Variants in NHLRC3 observed in about 807,000 individuals in gnomAD.
NHLRC3 encodes the protein NHL repeat-containing protein 3.
Under a neutral mutation model 32.0 loss-of-function variants are expected in NHLRC3, and 23 were observed. The observed-to-expected ratio is 0.72, with a 90% CI of 0.52 to 1.02. The LOEUF (loss-of-function observed/expected upper bound fraction) is 1.02. Among genes scored for constraint, NHLRC3 ranks in the 50% least tolerant of loss-of-function variants. NHLRC3 has a pLI of 0.00. For synonymous variants in NHLRC3, 159 were observed against 147.9 expected, an observed-to-expected ratio of 1.08 and a Z score of -0.55; for missense variants, 407 against 406.8, an observed-to-expected ratio of 1.00 and a Z score of -0.01.
chr13:39,048,077 T>C lies in NHLRC3; in HGVS notation c.*151T>C. ...TTTTTGTATCATTAAGAATCTTATA[T>C]TTTGTTGCCCTCTTGGGACTTAGTT... On this transcript the variant is annotated 3_prime_UTR_variant, in exon 7 of 7. Transcript: ENST00000379600. 1 of 665,070 alleles carries C rather than the reference T, an allele frequency of 1.5e-6. No homozygotes were observed. Among genetic ancestry groups the C allele is most frequent in the Admixed American group, 3.0e-5 (1 of 33,732 alleles). 41.2% of individuals were successfully genotyped at this position (665,070 alleles called of 1,614,324 possible).
At position 39,049,936 on chromosome 13, in the gene NHLRC3, G is replaced by A. The variant is rs1871842047; in HGVS notation, c.*2010G>A. ...AATATTTCTGAATGTCTTTGTAAAA[G>A]TGTTTGTTAGTGTACCTGTGATTAT... On this transcript the variant is annotated 3_prime_UTR_variant, in exon 7 of 7. Coordinates refer to ENST00000379600, the MANE Select transcript of NHLRC3 (RefSeq NM_001012754.4). 6.6e-6 allele frequency: 1 copy of A among 152,154 alleles called. No homozygotes were observed. The highest frequency in any genetic ancestry group is 1.5e-5 in the Non-Finnish European group (1 of 68,018). 9.4% of individuals were successfully genotyped at this position (152,154 alleles called of 1,614,324 possible).
chr13:39,043,207 A>C (rs1391627325), intron 4 of NHLRC3, among the ~76,000 whole-genome samples: 1 of 151,228 alleles, frequency 6.6e-6, no homozygotes, highest in East Asian at 1.9e-4. Context: ...AGGATAAAGC[A>C]AGAATCCAAA....
At chr13:39,046,943 T>G in intron 5 of NHLRC3, 97 bp from the exon 6 acceptor site, 2 of 817,664 alleles carry the variant, frequency 2.4e-6, no homozygotes, top group Non-Finnish European at 4.1e-6. Context: ...TCCTCTTAAG[T>G]GAGATAATGT....
In NHLRC3 at chr13:39,048,993, ATCT is replaced by A. The variant is rs754288303; in HGVS notation, c.*1071_*1073del. On this transcript the variant is annotated 3_prime_UTR_variant, in exon 7 of 7. Coordinates refer to ENST00000379600, the MANE Select transcript of NHLRC3 (RefSeq NM_001012754.4). Reference sequence around the variant, plus strand: ...TGATAATTTCCTGCTTTCCTCCTACATCTTCTCCTCCCACTCCCTCCTTTGGTG... The same window carrying A: ...TGATAATTTCCTGCTTTCCTCCTACATCTCCTCCCACTCCCTCCTTTGGTG... The A allele has an allele frequency of 1.3e-4, 20 of 151,846 alleles. No individual in the cohort carries two copies. Among genetic ancestry groups the A allele is most frequent in the Non-Finnish European group, 2.9e-5 (2 of 67,914 alleles). The allele number at this position is 151,846 out of a possible 1,614,324, so 9.4% of individuals were successfully genotyped here.
Position 39,047,748 on chromosome 13 carries a change from C to T in NHLRC3, c.866C>T (p.Pro289Leu). 1.2e-6 allele frequency: 2 copies of T among 1,614,062 alleles called. No homozygotes were observed. Among genetic ancestry groups the T allele is most frequent in the Non-Finnish European group, 1.7e-6 (2 of 1,179,946 alleles). Reference protein sequence around the residue: ...LSRLSVVAAPPVGSIGECSVI... With the variant: ...LSRLSVVAAPLVGSIGECSVI... ...AGGCTCTCAGTCGTAGCAGCACCCC[C>T]AGTGGGAAGCATTGGGGAGTGTTCT... Residue 289 changes from proline to leucine, a missense_variant, in exon 7 of 7, where the codon CCA (proline) becomes CTA (leucine). Pro to Leu is a moderately conservative substitution (Grantham distance 98). Transcript: ENST00000379600.
chr13:39,045,796 CCTTT>C (rs1384289000), intron 5 of NHLRC3, among the ~76,000 whole-genome samples: 1 of 152,162 alleles, frequency 6.6e-6, no homozygotes, highest in Non-Finnish European at 1.5e-5. Context: ...GCATCAACAA[CCTTT>C]CTTAAATGGT....
intron 5 of NHLRC3, among the ~76,000 whole-genome samples, chr13:39,046,173 C>A (rs1444465177): frequency 1.3e-5 from 2 of 152,094 alleles, no homozygotes; most frequent in Non-Finnish European, 2.9e-5. Flanking sequence ...AAAAAATTAG[C>A]CGGGCGTGGT....
At chr13:39,046,417 G>T (rs577703367) in intron 5 of NHLRC3, among the ~76,000 whole-genome samples, 15 of 152,344 alleles carry the variant, frequency 9.8e-5, no homozygotes, top group African/African-American at 3.4e-4. Context: ...CTTAGAACAA[G>T]TTCCTTAATA....
intron 3 of NHLRC3, 121 bp downstream of exon 3, chr13:39,039,832 G>T: frequency 4.3e-6 from 3 of 690,520 alleles, no homozygotes; most frequent in Non-Finnish European, 4.7e-6. Flanking sequence ...AACGATTCAT[G>T]AAATCACATG....
chr13:39,040,213 T>G (rs12428949), intron 3 of NHLRC3: 13,462 of 150,494 alleles, frequency 0.089, 663 homozygotes, highest in South Asian at 0.13. Flanking sequence ...AAGAAAGAAA[T>G]TTGACAAGGA....
intron 1 of NHLRC3, 156 bp from the exon 2 acceptor site, chr13:39,038,980 G>A: frequency 1.5e-6 from 1 of 655,596 alleles, no homozygotes; most frequent in Non-Finnish European, 2.7e-6. Flanking sequence ...TTGGTCTTTA[G>A]GCATCTAAGC....
At chr13:39,039,434 T>C in intron 2 of NHLRC3, 130 bp from the exon 3 acceptor site, 1 of 1,113,390 alleles carries the variant, frequency 9.0e-7, no homozygotes, top group Non-Finnish European at 1.3e-6. Context: ...TGGTTTCGAA[T>C]GTGAAAGATA....
chr13:39,039,487 AT>A (rs988886655), intron 2 of NHLRC3, 76 bp from the exon 3 acceptor site: 39 of 1,337,836 alleles, frequency 2.9e-5, no homozygotes, highest in Middle Eastern at 1.9e-4. Context: ...ATTCTCAGTT[AT>A]TTTTTTTCTT....
intron 2 of NHLRC3, 67 bp downstream of exon 2, chr13:39,039,355 A>G: frequency 7.5e-7 from 1 of 1,327,956 alleles, no homozygotes; most frequent in Non-Finnish European, 1.1e-6. Context: ...GTCTTGCTGT[A>G]GTAACTGACC....
intron 5 of NHLRC3, 48 bp downstream of exon 5, chr13:39,044,229 T>TTGTGGGTG (rs397951843): frequency 0.051 from 43,399 of 851,418 alleles, 1,449 homozygotes; most frequent in African/African-American, 0.12. Flanking sequence ...CTGAATATGT[T>TTGTGGGTG]TGTGTGTGTG....
rs1210879311 is a variant in NHLRC3 at position 39,050,094 on chromosome 13, T to C, written c.*2168T>C. On this transcript the variant is annotated 3_prime_UTR_variant, in exon 7 of 7. Coordinates refer to ENST00000379600, the MANE Select transcript of NHLRC3 (RefSeq NM_001012754.4). ...ATCTGGCTCCCCAATTAAAGTTTGATTTTATTGTCACAAAAGCAGTCTATA... is the reference window on the plus strand; with the variant it reads ...ATCTGGCTCCCCAATTAAAGTTTGACTTTATTGTCACAAAAGCAGTCTATA... The C allele has an allele frequency of 1.3e-5, 2 of 152,266 alleles. No individual in the cohort carries two copies. The highest frequency in any genetic ancestry group is 2.9e-5 in the Non-Finnish European group (2 of 68,048). 9.4% of individuals were successfully genotyped at this position (152,266 alleles called of 1,614,324 possible).
rs1871827684 is a variant in NHLRC3 at position 39,049,596 on chromosome 13, G to C, written c.*1670G>C. 1.3e-5 allele frequency: 2 copies of C among 152,144 alleles called. No homozygotes were observed. Among genetic ancestry groups the C allele is most frequent in the African/African-American group, 2.4e-5 (1 of 41,416 alleles). 9.4% of individuals were successfully genotyped at this position (152,144 alleles called of 1,614,324 possible). A position where few individuals can be genotyped will look rare whatever the true frequency, so the allele number is the denominator to read the frequency against. ...TAACTATCAGATTTGCCTTAATTTTGTGTTTATAGCATTTATCAAAACGTA... is the reference window on the plus strand; with the variant it reads ...TAACTATCAGATTTGCCTTAATTTTCTGTTTATAGCATTTATCAAAACGTA... On this transcript the variant is annotated 3_prime_UTR_variant, in exon 7 of 7. Coordinates refer to ENST00000379600, the MANE Select transcript of NHLRC3 (RefSeq NM_001012754.4).
At chr13:39,040,381 C>T (rs1358201503) in intron 3 of NHLRC3, 1 of 152,102 alleles carries the variant, frequency 6.6e-6, no homozygotes, top group African/African-American at 2.4e-5. Context: ...TTTCCTTTTC[C>T]AGTTTTCTTT....
chr13:39,040,096 G>T (rs1201271094), intron 3 of NHLRC3: 3 of 152,876 alleles, frequency 2.0e-5, no homozygotes, highest in Non-Finnish European at 4.4e-5. Flanking sequence ...GCTGAGGCAG[G>T]AGAATGGCGT....
Sources: gnomAD v4.1 joint callset for allele counts (sites outside exome capture counted in the v4.1 genomes callset) on GRCh38, gnomAD v4.1.1 for gene constraint, MANE v1.5 for transcripts, NCBI Gene and HGNC (gene_info 2026-07-23, HGNC 2026-07-21) for gene names.